AKR1C3: variants seen among roughly 807,000 people sequenced by gnomAD.
AKR1C3 encodes aldo-keto reductase family 1 member C3, also known as 3-alpha hydroxysteroid dehydrogenase, type II.
A neutral mutation model predicts 43.6 loss-of-function variants in AKR1C3; 48 were observed. The ratio of observed to expected loss-of-function variants is 1.10; its 90% confidence interval spans 0.87 to 1.40. The LOEUF is 1.40. AKR1C3 is among the 40% of genes most tolerant of loss of function. The pLI is 0.00. For synonymous variants in AKR1C3, 162 were observed against 139.6 expected (o/e 1.16, Z -1.13); for missense variants, 482 against 391.2 (o/e 1.23, Z -1.96).
upstream of AKR1C3, chr10:5,094,216 C>A: frequency 3.2e-6 from 1 of 315,692 alleles, no homozygotes; most frequent in Non-Finnish European, 6.0e-6. Context: ...TTATTATAAC[C>A]ATATATTATA....
intron 8 of AKR1C3, 118 bp downstream of exon 8, chr10:5,105,795 CTG>C (rs1839486698): frequency 4.0e-6 from 3 of 750,326 alleles, no homozygotes; most frequent in African/African-American, 1.8e-5. Flanking sequence ...AGAGGTGAGA[CTG>C]GAACTCTCCT....
intron 1 of AKR1C3, among the ~76,000 whole-genome samples, chr10:5,056,542 A>G (rs1360090906): frequency 6.6e-6 from 1 of 152,174 alleles, no homozygotes; most frequent in Non-Finnish European, 1.5e-5. Context: ...GTTTAACAAT[A>G]TTCTGTAATC....
chr10:5,084,464 G>T (rs1838916150), intron 1 of AKR1C3, among the ~76,000 whole-genome samples: 1 of 151,566 alleles, frequency 6.6e-6, no homozygotes, highest in African/African-American at 2.4e-5. Flanking sequence ...GTACCATACT[G>T]TTTTGGTTAC....
chr10:5,107,590 T>A lies in AKR1C3; in HGVS notation c.*87T>A. 3 of 1,058,948 alleles carry A rather than the reference T, an allele frequency of 2.8e-6. No individual in the cohort carries two copies. The highest frequency in any genetic ancestry group is 1.4e-6 in the Non-Finnish European group (1 of 695,676). The allele number at this position is 1,058,948 out of a possible 1,614,324, so 65.6% of individuals were successfully genotyped here. On this transcript the variant is annotated 3_prime_UTR_variant, in exon 9 of 9. Coordinates refer to ENST00000380554, the MANE Select transcript of AKR1C3 (RefSeq NM_003739.6). Reference sequence around the variant, plus strand: ...GTCTCTATGCCGGTGACTGGACATATCACCTCTACTTAAATCCGTCCTGTT... The same window carrying A: ...GTCTCTATGCCGGTGACTGGACATAACACCTCTACTTAAATCCGTCCTGTT...
intron 7 of AKR1C3, among the ~76,000 whole-genome samples, chr10:5,103,612 TCTC>T (rs1426313160): frequency 6.6e-6 from 1 of 152,144 alleles, no homozygotes; most frequent in African/African-American, 2.4e-5. Flanking sequence ...GGTGCCATTT[TCTC>T]CTCCATATAG....
At chr10:5,056,956 T>A (rs1554779664) in intron 1 of AKR1C3, among the ~76,000 whole-genome samples, 1 of 152,200 alleles carries the variant, frequency 6.6e-6, no homozygotes, top group Non-Finnish European at 1.5e-5. Context: ...CTGAGAAGGC[T>A]GCACCAGTGT....
At chr10:5,064,808 A>T (rs1320593792) in intron 1 of AKR1C3, among the ~76,000 whole-genome samples, 1 of 152,192 alleles carries the variant, frequency 6.6e-6, no homozygotes, top group Non-Finnish European at 1.5e-5. Context: ...AGAGGAATGT[A>T]AATCAAAACC....
At chr10:5,073,495 T>G (rs1369358244) in intron 1 of AKR1C3, among the ~76,000 whole-genome samples, 1 of 152,148 alleles carries the variant, frequency 6.6e-6, no homozygotes, top group Non-Finnish European at 1.5e-5. Context: ...CACAGACTCC[T>G]CAGTGGGACA....
intron 1 of AKR1C3, among the ~76,000 whole-genome samples, chr10:5,051,157 G>A (rs574629428): frequency 1.8e-4 from 27 of 152,290 alleles, no homozygotes; most frequent in East Asian, 5.8e-4. Flanking sequence ...GTACAGTGGC[G>A]TGGTCTCGGC....
intron 1 of AKR1C3, among the ~76,000 whole-genome samples, chr10:5,053,629 G>A (rs538038264): frequency 6.6e-6 from 1 of 152,252 alleles, no homozygotes; most frequent in Non-Finnish European, 1.5e-5. Context: ...GAATGGCAAG[G>A]ACTGTGAGGC....
At position 5,107,675 on chromosome 10, in the gene AKR1C3, A is replaced by G. The variant is rs893390853; in HGVS notation, c.*172A>G. Reference sequence around the variant, plus strand: ...GCCAGAAAGACAATAAATTTTTATCATTTTGAAATAATTGAATGTTTTCTC... The same window carrying G: ...GCCAGAAAGACAATAAATTTTTATCGTTTTGAAATAATTGAATGTTTTCTC... On this transcript the variant is annotated 3_prime_UTR_variant, in exon 9 of 9. Transcript: ENST00000380554. 1.8e-6 allele frequency: 1 copy of G among 559,522 alleles called. No homozygotes were observed. Among genetic ancestry groups the G allele is most frequent in the Non-Finnish European group, 3.2e-6 (1 of 316,232 alleles). The allele number at this position is 559,522 out of a possible 1,614,324, so 34.7% of individuals were successfully genotyped here.
intron 5 of AKR1C3, 166 bp downstream of exon 5, chr10:5,099,615 G>A (rs1839299165): frequency 7.9e-7 from 1 of 1,263,330 alleles, no homozygotes; most frequent in African/African-American, 1.5e-5. Flanking sequence ...TTTGTACCCT[G>A]CTTGGAAAAG....
chr10:5,059,561 C>T lies in AKR1C3; in HGVS notation c.84+10666C>T, dbSNP rs983623716. Among the ~76,000 whole-genome samples the T allele has an allele frequency of 5.9e-5, 9 of 152,286 alleles. No homozygotes were observed. In the East Asian group the frequency reaches 7.7e-4, roughly 13 times the overall value. ...ATAGGCAAACCAATGGTCCCAACTCCGAAGAGTCGGGGGTTGTTAGCCCTT... is the reference window on the plus strand; with the variant it reads ...ATAGGCAAACCAATGGTCCCAACTCTGAAGAGTCGGGGGTTGTTAGCCCTT... On this transcript the variant is annotated intron_variant, in intron 1 of 8. Transcript: ENST00000439082.
chr10:5,106,204 A>C (rs1554787188), intron 8 of AKR1C3, among the ~76,000 whole-genome samples: 1 of 152,048 alleles, frequency 6.6e-6, no homozygotes, highest in East Asian at 1.9e-4. Flanking sequence ...ATGTTTGTTC[A>C]TGCCCCAAAC....
chr10:5,100,671 TG>T (rs1839325388), intron 5 of AKR1C3, among the ~76,000 whole-genome samples: 2 of 152,222 alleles, frequency 1.3e-5, no homozygotes, highest in Admixed American at 1.3e-4. Context: ...ACCATTGAAA[TG>T]TGAAGTGTAT....
intron 2 of AKR1C3, among the ~76,000 whole-genome samples, chr10:5,097,209 A>C (rs1004969342): frequency 8.5e-5 from 13 of 152,146 alleles, no homozygotes; most frequent in Non-Finnish European, 2.9e-5. Flanking sequence ...CATTTTAAGA[A>C]TTTACTCCTA....
intron 1 of AKR1C3, among the ~76,000 whole-genome samples, chr10:5,089,278 A>G (rs990872486): frequency 6.6e-6 from 1 of 152,014 alleles, no homozygotes; most frequent in African/African-American, 2.4e-5. Flanking sequence ...TTTGAATCTC[A>G]TTTCTAAATG....
intron 1 of AKR1C3, among the ~76,000 whole-genome samples, chr10:5,066,267 G>A (rs1838499391): frequency 6.6e-6 from 1 of 152,110 alleles, no homozygotes; most frequent in Admixed American, 6.5e-5. Context: ...GGTCTGTTGA[G>A]GCTTAGTGCA....
intron 1 of AKR1C3, among the ~76,000 whole-genome samples, chr10:5,070,206 A>G (rs116855361): frequency 0.012 from 1,883 of 152,334 alleles, 29 homozygotes; most frequent in Middle Eastern, 0.041. Context: ...CAGAAAGGAA[A>G]GGAGAGAAAT....
Sources: allele counts gnomAD v4.1 joint callset (sites outside exome capture counted in the v4.1 genomes callset), GRCh38; gene constraint gnomAD v4.1.1; transcripts MANE v1.5; gene names NCBI Gene and HGNC (gene_info 2026-07-23, HGNC 2026-07-21).